The following GALNT13 variants were observed in gnomAD, a reference collection of about 807,000 sequenced individuals.
GALNT13 encodes polypeptide N-acetylgalactosaminyltransferase 13, also known as UDP-GalNAc:polypeptide N-acetylgalactosaminyltransferase 13.
GALNT13 carries 28 observed loss-of-function variants against 64.2 expected under a neutral mutation model. The observed-to-expected ratio is 0.44, with a 90% CI of 0.32 to 0.60. The LOEUF (loss-of-function observed/expected upper bound fraction) is 0.60, where lower values mean the gene tolerates loss of function less well. GALNT13 is among the 20% of genes least tolerant of loss of function. The pLI is 0.05. For synonymous variants in GALNT13, 214 were observed against 224.6 expected, an observed-to-expected ratio of 0.95 and a Z score of 0.42; for missense variants, 577 against 669.8, an observed-to-expected ratio of 0.86 and a Z score of 1.53.
At chr2:153,440,798 G>T in the GALNT13 span, among the ~76,000 whole-genome samples, 1 of 151,780 alleles carries the variant, frequency 6.6e-6, no homozygotes, top group Admixed American at 6.6e-5. Context: ...TGTTGGTATT[G>T]TTTGTTTTTT....
intron 4 of GALNT13, among the ~76,000 whole-genome samples, chr2:154,146,780 T>C (rs933589913): frequency 6.7e-6 from 1 of 148,602 alleles, no homozygotes; most frequent in Non-Finnish European, 1.5e-5. Context: ...TATTATCCAT[T>C]AGTTTCCCTC....
At chr2:153,163,257 C>T in the GALNT13 span, among the ~76,000 whole-genome samples, 6 of 152,058 alleles carry the variant, frequency 3.9e-5, no homozygotes, top group South Asian at 2.1e-4. Context: ...AGGCAACCAC[C>T]AGGGGGTAGT....
chr2:154,107,737 C>T (rs1012618204), intron 3 of GALNT13, among the ~76,000 whole-genome samples: 2 of 151,858 alleles, frequency 1.3e-5, no homozygotes, highest in East Asian at 3.9e-4. Flanking sequence ...GATTTTCTAC[C>T]CTTTGACCAT....
chr2:154,086,087 A>T (rs978922539), intron 3 of GALNT13, among the ~76,000 whole-genome samples: 1 of 149,366 alleles, frequency 6.7e-6, no homozygotes, highest in Non-Finnish European at 1.5e-5. Flanking sequence ...TTCTTGAGCA[A>T]TTATGTGCTA....
chr2:153,960,128 A>G (rs1295448256), intron 3 of GALNT13, among the ~76,000 whole-genome samples: 1 of 152,210 alleles, frequency 6.6e-6, no homozygotes, highest in East Asian at 1.9e-4. Context: ...ACAGACCTCA[A>G]GTGTTACAAC....
the GALNT13 span, among the ~76,000 whole-genome samples, chr2:153,598,308 G>A: frequency 1.3e-5 from 2 of 152,086 alleles, no homozygotes; most frequent in East Asian, 1.9e-4. Flanking sequence ...TTCCCTGAAG[G>A]CAGCAAGTTC....
At chr2:154,261,689 T>C (rs1690704361) in intron 8 of GALNT13, among the ~76,000 whole-genome samples, 1 of 152,162 alleles carries the variant, frequency 6.6e-6, no homozygotes, top group South Asian at 2.1e-4. Flanking sequence ...GCTTCTTTGC[T>C]CTCAAAGAAC....
intron 9 of GALNT13, among the ~76,000 whole-genome samples, chr2:154,341,667 T>C (rs955654296): frequency 6.6e-6 from 1 of 151,998 alleles, no homozygotes; most frequent in Admixed American, 6.6e-5. Flanking sequence ...TAGGGCTTTG[T>C]AGGACACAGC....
rs147239825 is a variant in GALNT13 at position 154,170,633 on chromosome 2, G to A, written c.311+30128G>A. 1.9e-4 allele frequency among the ~76,000 whole-genome samples: 29 copies of A among 152,262 alleles called. No homozygotes were observed. In the East Asian group the frequency reaches 2.9e-3, roughly 15 times the overall value. On this transcript the variant is annotated intron_variant, in intron 4 of 12. Transcript: ENST00000392825. Reference sequence around the variant, plus strand: ...GTGCCAGATGTCACAACCTTTCACTGCCATGTGAAACCTGGGAATAATAAT... The same window carrying A: ...GTGCCAGATGTCACAACCTTTCACTACCATGTGAAACCTGGGAATAATAAT...
the GALNT13 span, among the ~76,000 whole-genome samples, chr2:153,583,877 C>G: frequency 6.6e-6 from 1 of 152,174 alleles, no homozygotes; most frequent in Non-Finnish European, 1.5e-5. Flanking sequence ...GCCTGGGACC[C>G]AGCTGCTGGT....
chr2:153,515,293 C>T, the GALNT13 span, among the ~76,000 whole-genome samples: 2 of 152,260 alleles, frequency 1.3e-5, no homozygotes, highest in African/African-American at 4.8e-5. Flanking sequence ...ACCTCTCTGC[C>T]GTAGCTCCCT....
chr2:153,721,108 A>C, the GALNT13 span, among the ~76,000 whole-genome samples: 1 of 147,942 alleles, frequency 6.8e-6, no homozygotes, highest in African/African-American at 2.5e-5. Flanking sequence ...CTAACAGCGG[A>C]TCTCTCGGCA....
chr2:153,236,529 T>G, the GALNT13 span, among the ~76,000 whole-genome samples: 1 of 152,104 alleles, frequency 6.6e-6, no homozygotes, highest in African/African-American at 2.4e-5. Flanking sequence ...CCGAGGACCC[T>G]TAAGAATTAT....
chr2:153,896,106 A>G (rs1440016029), intron 1 of GALNT13, among the ~76,000 whole-genome samples: 1 of 42,444 alleles, frequency 2.4e-5, no homozygotes, highest in Non-Finnish European at 5.6e-5. Context: ...CCTAAATTAA[A>G]AAAAACTTGC....
chr2:154,023,179 G>T (rs1361734485), intron 3 of GALNT13, among the ~76,000 whole-genome samples: 1 of 152,202 alleles, frequency 6.6e-6, no homozygotes, highest in African/African-American at 2.4e-5. Flanking sequence ...TTGATTTGGG[G>T]TGGAGAGTTC....
chr2:153,163,408 G>A, the GALNT13 span, among the ~76,000 whole-genome samples: 1 of 151,980 alleles, frequency 6.6e-6, no homozygotes, highest in African/African-American at 2.4e-5. Context: ...TTATACTTTG[G>A]GCATAAAGAA....
the GALNT13 span, among the ~76,000 whole-genome samples, chr2:153,636,261 T>G: frequency 2.0e-5 from 3 of 152,170 alleles, no homozygotes; most frequent in Admixed American, 1.3e-4. Flanking sequence ...TTTTTTAATA[T>G]TCCCCTCTGC....
chr2:154,268,927 T>C (rs1243413846), intron 8 of GALNT13, among the ~76,000 whole-genome samples: 1 of 152,136 alleles, frequency 6.6e-6, no homozygotes, highest in Non-Finnish European at 1.5e-5. Flanking sequence ...GTAACTAATA[T>C]TTTAATTAAC....
At chr2:153,213,688 G>A in the GALNT13 span, among the ~76,000 whole-genome samples, 2 of 152,132 alleles carry the variant, frequency 1.3e-5, no homozygotes, top group African/African-American at 4.8e-5. Context: ...GTTATTAACA[G>A]CCATCTGATT....
Sources: gnomAD v4.1 joint callset for allele counts (sites outside exome capture counted in the v4.1 genomes callset) on GRCh38, gnomAD v4.1.1 for gene constraint, MANE v1.5 for transcripts, NCBI Gene and HGNC (gene_info 2026-07-23, HGNC 2026-07-21) for gene names.